WDFY4: variants seen among roughly 807,000 people sequenced by gnomAD.
WDFY4 encodes the protein WD repeat- and FYVE domain-containing protein 4.
Under a neutral mutation model 351.9 loss-of-function variants are expected in WDFY4, and 169 were observed. That is an observed-to-expected ratio of 0.48 (90% CI 0.42 to 0.55). WDFY4 has a LOEUF of 0.55. Ranked by LOEUF, WDFY4 falls within the 20% of genes least tolerant of loss-of-function variation. WDFY4 has a pLI of 0.00. For synonymous variants in WDFY4, 1,622 were observed against 1,574.6 expected, an observed-to-expected ratio of 1.03 and a Z score of -0.71; for missense variants, 3,803 against 3,935.6, an observed-to-expected ratio of 0.97 and a Z score of 0.90.
At chr10:48,948,629 A>C (rs1841173121) in intron 51 of WDFY4, among the ~76,000 whole-genome samples, 1 of 152,196 alleles carries the variant, frequency 6.6e-6, no homozygotes, top group Non-Finnish European at 1.5e-5. Flanking sequence ...ATAGATGCAA[A>C]ATCTTCTGCA....
intron 59 of WDFY4, among the ~76,000 whole-genome samples, chr10:48,977,901 A>G (rs1200350234): frequency 6.6e-6 from 1 of 152,238 alleles, no homozygotes; most frequent in Non-Finnish European, 1.5e-5. Flanking sequence ...GCTTAGCGCC[A>G]AGGGCCAGAC....
intron 19 of WDFY4, among the ~76,000 whole-genome samples, chr10:48,782,928 G>A (rs182614411): frequency 1.3e-5 from 2 of 152,188 alleles, no homozygotes; most frequent in African/African-American, 4.8e-5. Flanking sequence ...GGTTGGAGGG[G>A]TGAGTGGTGC....
chr10:48,929,598 A>G (rs1222788041), intron 47 of WDFY4, among the ~76,000 whole-genome samples: 6 of 152,212 alleles, frequency 3.9e-5, no homozygotes, highest in Non-Finnish European at 8.8e-5. Flanking sequence ...AAGCCCACCT[A>G]GTCTCATTGC....
At chr10:48,801,334 G>C (rs946885911) in intron 24 of WDFY4, among the ~76,000 whole-genome samples, 4 of 152,204 alleles carry the variant, frequency 2.6e-5, no homozygotes, top group African/African-American at 9.7e-5. Flanking sequence ...AAATGTGAGA[G>C]GCTGGAACTT....
chr10:48,789,628 T>C (rs574502831), intron 21 of WDFY4, among the ~76,000 whole-genome samples: 19 of 152,356 alleles, frequency 1.2e-4, no homozygotes, highest in Non-Finnish European at 2.4e-4. Flanking sequence ...GGGACACTGG[T>C]GGCTCAGACT....
intron 1 of WDFY4, among the ~76,000 whole-genome samples, chr10:48,688,462 C>G (rs1565092084): frequency 6.6e-6 from 1 of 152,190 alleles, no homozygotes; most frequent in African/African-American, 2.4e-5. Flanking sequence ...TAGGTCTTCT[C>G]TAAAGTATTT....
chr10:48,748,547 G>C (rs1360900406), intron 12 of WDFY4, among the ~76,000 whole-genome samples: 11 of 152,344 alleles, frequency 7.2e-5, no homozygotes, highest in Non-Finnish European at 1.6e-4. Flanking sequence ...ACGACAGCCT[G>C]CAGTTTGAAG....
At chr10:48,710,402 C>T (rs1163314693) in intron 2 of WDFY4, among the ~76,000 whole-genome samples, 1 of 152,160 alleles carries the variant, frequency 6.6e-6, no homozygotes, top group Admixed American at 6.5e-5. Flanking sequence ...TAAAATGTCA[C>T]TATATGAATT....
chr10:48,816,152 G>T (rs967199156), intron 31 of WDFY4, among the ~76,000 whole-genome samples: 14 of 151,986 alleles, frequency 9.2e-5, no homozygotes, highest in African/African-American at 3.1e-4. Flanking sequence ...TGCACAAATG[G>T]TCTCCTTTAA....
At chr10:48,774,278 C>T (rs551626450) in intron 13 of WDFY4, among the ~76,000 whole-genome samples, 180 bp from the exon 14 acceptor site, 30 of 136,894 alleles carry the variant, frequency 2.2e-4, no homozygotes, top group Non-Finnish European at 4.5e-4. Context: ...GACTTGCCCC[C>T]CGCCAGGTGA....
chr10:48,845,482 G>T (rs1378163838), intron 39 of WDFY4, among the ~76,000 whole-genome samples: 1 of 151,986 alleles, frequency 6.6e-6, no homozygotes, highest in Non-Finnish European at 1.5e-5. Context: ...CCAGAAGAGA[G>T]AGTGCAAGTC....
At chr10:48,724,712 C>T (rs2064207150) in intron 5 of WDFY4, among the ~76,000 whole-genome samples, 1 of 152,076 alleles carries the variant, frequency 6.6e-6, no homozygotes, top group Admixed American at 6.5e-5. Context: ...AGCTCTATGG[C>T]AGACAGATGG....
intron 39 of WDFY4, among the ~76,000 whole-genome samples, chr10:48,847,263 C>A (rs994912643): frequency 6.6e-6 from 1 of 152,094 alleles, no homozygotes; most frequent in East Asian, 1.9e-4. Flanking sequence ...ACACCAGTCA[C>A]GTAGGATTAG....
At chr10:48,704,627 C>A (rs956163064) in intron 1 of WDFY4, among the ~76,000 whole-genome samples, 1 of 152,196 alleles carries the variant, frequency 6.6e-6, no homozygotes, top group African/African-American at 2.4e-5. Context: ...AGCCCCTCTC[C>A]CCATCCTCAG....
chr10:48,786,807 C>T lies in WDFY4; in HGVS notation c.3745C>T (p.Leu1249=), dbSNP rs898652247. ...TGAAGAAGCCATTTCAATGGAAACTCTGGAAGTTATTAACAAACTTGGCCC... is the reference window on the plus strand; with the variant it reads ...TGAAGAAGCCATTTCAATGGAAACTTTGGAAGTTATTAACAAACTTGGCCC... ...LFEEAISMET[L]EVINKLGPRY... is the part of the protein sequence containing the mutation. Residue 1249 remains leucine (L), a synonymous_variant, in exon 20 of 62, where the codon CTG becomes TTG. Coordinates refer to ENST00000325239, the MANE Select transcript of WDFY4 (RefSeq NM_001394531.1). The T allele has an allele frequency of 6.4e-7, 1 of 1,552,206 alleles. No homozygotes were observed. Among genetic ancestry groups the T allele is most frequent in the African/African-American group, 1.4e-5 (1 of 73,058 alleles).
intron 39 of WDFY4, among the ~76,000 whole-genome samples, chr10:48,840,581 C>A (rs890702066): frequency 1.2e-4 from 18 of 152,048 alleles, no homozygotes; most frequent in African/African-American, 3.9e-4. Context: ...TTAGAATTCA[C>A]CTATCACACC....
At chr10:48,775,610 G>A in intron 14 of WDFY4, 102 bp from the exon 15 acceptor site, 1 of 1,117,860 alleles carries the variant, frequency 8.9e-7, no homozygotes, top group Admixed American at 2.0e-5. Context: ...GGGCTGGGAG[G>A]TCAGGGAGCT....
At chr10:48,937,558 T>A (rs1419438622) in intron 47 of WDFY4, among the ~76,000 whole-genome samples, 1 of 152,202 alleles carries the variant, frequency 6.6e-6, no homozygotes, top group East Asian at 1.9e-4. Flanking sequence ...CATCTGTTAA[T>A]GGAAATTATG....
chr10:48,820,335 C>A lies in WDFY4; in HGVS notation c.5607C>A (p.Pro1869=), dbSNP rs1047405336. Residue 1869 remains proline (P), a synonymous_variant, in exon 33 of 62, where the codon CCC becomes CCA. Coordinates refer to ENST00000325239, the MANE Select transcript of WDFY4 (RefSeq NM_001394531.1). ...EGLQAPTKAH[P]ARRKLREFTQ... ...TCCAGGCTCCCACCAAGGCACATCCCGCCCGGAGGAAGCTGAGGGAGTTCA... is the reference window on the plus strand; with the variant it reads ...TCCAGGCTCCCACCAAGGCACATCCAGCCCGGAGGAAGCTGAGGGAGTTCA... 1.3e-6 allele frequency: 2 copies of A among 1,551,640 alleles called. No individual in the cohort carries two copies. The highest frequency in any genetic ancestry group is 3.9e-5 in the Admixed American group (2 of 51,002).
Sources: allele counts gnomAD v4.1 joint callset (sites outside exome capture counted in the v4.1 genomes callset), GRCh38; gene constraint gnomAD v4.1.1; transcripts MANE v1.5; gene names NCBI Gene and HGNC (gene_info 2026-07-23, HGNC 2026-07-21).